RHOF: variants seen among roughly 807,000 people sequenced by gnomAD.
The protein encoded by RHOF is ras homolog family member F, filopodia associated.
RHOF carries 21 observed loss-of-function variants against 22.2 expected under a neutral mutation model. That is an observed-to-expected ratio of 0.95 (90% CI 0.67 to 1.36). The LOEUF (loss-of-function observed/expected upper bound fraction) is 1.36. Among genes scored for constraint, RHOF ranks in the 40% most tolerant of loss-of-function variants. The pLI, the probability that RHOF is intolerant of heterozygous loss-of-function variation, is 0.00. For synonymous variants in RHOF, 135 were observed against 131.2 expected, an observed-to-expected ratio of 1.03 and a Z score of -0.20; for missense variants, 285 against 293.7, an observed-to-expected ratio of 0.97 and a Z score of 0.22.
chr12:121,786,538 C>T (rs181098273), intron 2 of RHOF, among the ~76,000 whole-genome samples: 42 of 152,334 alleles, frequency 2.8e-4, no homozygotes, highest in Admixed American at 2.3e-3. Flanking sequence ...CCTGCCTTTC[C>T]TGGGGCCTCT....
chr12:121,785,519 T>A (rs1874585394), intron 2 of RHOF, among the ~76,000 whole-genome samples: 1 of 149,002 alleles, frequency 6.7e-6, no homozygotes, highest in African/African-American at 2.5e-5. Context: ...CTACGCCTCC[T>A]GGGTTCAAGT....
At chr12:121,780,305 G>A (rs1351184964) in intron 4 of RHOF, 2 of 158,288 alleles carry the variant, frequency 1.3e-5, no homozygotes, top group South Asian at 1.9e-4. Flanking sequence ...TGATTCGCCC[G>A]CCTCGGCCTC....
At chr12:121,784,540 G>A (rs971725655) in intron 2 of RHOF, among the ~76,000 whole-genome samples, 9 of 142,358 alleles carry the variant, frequency 6.3e-5, no homozygotes, top group East Asian at 2.0e-4. Context: ...GCAAGACGTC[G>A]TCTCAAAAAA....
chr12:121,780,206 C>T (rs766832706), intron 4 of RHOF: 145 of 155,598 alleles, frequency 9.3e-4, no homozygotes, highest in Non-Finnish European at 1.5e-3. Context: ...TACAGGCATG[C>T]GCCACCATGC....
chr12:121,785,294 T>A (rs1202093919), intron 2 of RHOF, among the ~76,000 whole-genome samples: 1 of 152,142 alleles, frequency 6.6e-6, no homozygotes, highest in Non-Finnish European at 1.5e-5. Flanking sequence ...AATTTATGAA[T>A]TATTTCTCGA....
intron 2 of RHOF, among the ~76,000 whole-genome samples, chr12:121,784,316 G>A (rs1874551182): frequency 6.6e-6 from 1 of 151,958 alleles, no homozygotes; most frequent in South Asian, 2.1e-4. Flanking sequence ...GGAGGCCGAG[G>A]CAGGGGGATC....
intron 2 of RHOF, chr12:121,781,637 G>A (rs998075204): frequency 5.5e-6 from 1 of 181,328 alleles, no homozygotes; most frequent in Non-Finnish European, 1.2e-5. Flanking sequence ...TGCCCTGATG[G>A]TCAAGGGCAG....
intron 2 of RHOF, 33 bp downstream of exon 2, chr12:121,793,119 C>A (rs1193275752): frequency 6.5e-7 from 1 of 1,538,216 alleles, no homozygotes. Context: ...GGCGGGCGGA[C>A]CCTCGGGCCC....
At chr12:121,790,905 G>C (rs1453299904) in intron 2 of RHOF, among the ~76,000 whole-genome samples, 1 of 152,104 alleles carries the variant, frequency 6.6e-6, no homozygotes, top group East Asian at 1.9e-4. Flanking sequence ...ACAGGGTCTC[G>C]CTCTGTTGCC....
At chr12:121,781,442 G>T (rs1053149450) in intron 2 of RHOF, 5 of 456,358 alleles carry the variant, frequency 1.1e-5, no homozygotes, top group Admixed American at 7.3e-5. Context: ...CTGCACTCCA[G>T]CCTGGGTGAC....
intron 2 of RHOF, among the ~76,000 whole-genome samples, chr12:121,787,004 C>T (rs142606989): frequency 6.6e-5 from 10 of 152,252 alleles, no homozygotes; most frequent in Admixed American, 6.5e-4. Flanking sequence ...TGCCATTTCA[C>T]TACAGCCTGA....
In RHOF at chr12:121,784,434, A is replaced by T. The variant is rs188206216; in HGVS notation, c.227-3242T>A. ...GTGGCAGGTGCCTGTAGTCCCAGCT[A>T]CTCCAGAGGCTGAGGCAGGAGAATT... On this transcript the variant is annotated intron_variant, in intron 2 of 4. Transcript: ENST00000267205. Among the ~76,000 whole-genome samples, 211 of 151,154 alleles carry T rather than the reference A, an allele frequency of 1.4e-3. 1 individual carries two copies. The highest frequency in any genetic ancestry group is 2.0e-3 in the Non-Finnish European group (138 of 67,884).
rs984449284 is a variant in RHOF, at chr12:121,781,112, G to A, written c.307C>T (p.Pro103Ser). The change falls in exon 3 of 5, where the codon CCC becomes TCC. Residue 103 changes from proline (P) to serine (S), a missense_variant. By Grantham distance (74) the Pro-to-Ser change is moderately conservative. Transcript: ENST00000267205. ...ATGAGGACGTTGTCGTAGCTGGTGGGATTCATGACGTCATAGCAGATGAGC... is the reference window on the plus strand; with the variant it reads ...ATGAGGACGTTGTCGTAGCTGGTGGAATTCATGACGTCATAGCAGATGAGC... ...LVLICYDVMN[P>S]TSYDNVLIKW... is the part of the protein sequence containing the mutation. The A allele has an allele frequency of 2.5e-6, 4 of 1,614,242 alleles. No individual in the cohort carries two copies. Among genetic ancestry groups the A allele is most frequent in the Non-Finnish European group, 3.4e-6 (4 of 1,180,036 alleles).
In RHOF at chr12:121,779,408, G is replaced by C; in HGVS notation, c.*90C>G. The C allele has an allele frequency of 7.2e-7, 1 of 1,388,112 alleles. No individual in the cohort carries two copies. The highest frequency in any genetic ancestry group is 1.2e-5 in the South Asian group (1 of 80,712). The allele number at this position is 1,388,112 out of a possible 1,614,324, so 86.0% of individuals were successfully genotyped here. ...CGCAGGCCCCAGACACCATGAGCTG[G>C]AGGGTCGGGATGGGGCAGCCTCCCT... On this transcript the variant is annotated 3_prime_UTR_variant, in exon 5 of 5. Coordinates refer to ENST00000267205, the MANE Select transcript of RHOF (RefSeq NM_019034.3).
chr12:121,780,702 G>A, intron 4 of RHOF, 170 bp downstream of exon 4: 1 of 740,072 alleles, frequency 1.4e-6, no homozygotes, highest in Non-Finnish European at 2.2e-6. Flanking sequence ...GAGTAGTCGT[G>A]TAAAGTGCTC....
In RHOF at chr12:121,781,576, TG is replaced by T. The variant is rs1874459681; in HGVS notation, c.227-385del. On this transcript the variant is annotated intron_variant, in intron 2 of 4. Transcript: ENST00000267205. ...TGAGAGCTTGGCCTGATTCTAGGGC[TG>T]GGGCTGGAGAAACTGCTAGAGATGA... 3 of 226,440 alleles carry T rather than the reference TG, an allele frequency of 1.3e-5. No individual in the cohort carries two copies. In the South Asian group the frequency reaches 1.8e-4, roughly 13 times the overall value. 14.0% of individuals were successfully genotyped at this position (226,440 alleles called of 1,614,324 possible). A position where few individuals can be genotyped will look rare whatever the true frequency, so the allele number is the denominator to read the frequency against.
chr12:121,783,274 G>T (rs1874520372), intron 2 of RHOF, among the ~76,000 whole-genome samples: 1 of 146,416 alleles, frequency 6.8e-6, no homozygotes, highest in Admixed American at 6.9e-5. Context: ...TCATATCCTG[G>T]CCCCCTCTCC....
rs1197025479 is a variant in RHOF, at chr12:121,778,525, C to T, written c.*973G>A. On this transcript the variant is annotated 3_prime_UTR_variant, in exon 5 of 5. Coordinates refer to ENST00000267205, the MANE Select transcript of RHOF (RefSeq NM_019034.3). ...CAAAGGAGGCTCAGGGATTAGGTATCTGGCTGTTGGTGACACAGGTGGTCT... is the reference window on the plus strand; with the variant it reads ...CAAAGGAGGCTCAGGGATTAGGTATTTGGCTGTTGGTGACACAGGTGGTCT... 1 of 151,776 alleles carries T rather than the reference C, an allele frequency of 6.6e-6. No homozygotes were observed. The highest frequency in any genetic ancestry group is 1.5e-5 in the Non-Finnish European group (1 of 68,046). The allele number at this position is 151,776 out of a possible 1,614,324, so 9.4% of individuals were successfully genotyped here. A position where few individuals can be genotyped will look rare whatever the true frequency, so the allele number is the denominator to read the frequency against.
chr12:121,779,828 T>C (rs1592954628), intron 4 of RHOF, 166 bp from the exon 5 acceptor site: 2 of 716,624 alleles, frequency 2.8e-6, no homozygotes, highest in Non-Finnish European at 4.5e-6. Context: ...GTGGGTGGAA[T>C]GGAGGGCCAG....
Sources: gnomAD v4.1 joint callset for allele counts (sites outside exome capture counted in the v4.1 genomes callset) on GRCh38, gnomAD v4.1.1 for gene constraint, MANE v1.5 for transcripts, NCBI Gene and HGNC (gene_info 2026-07-23, HGNC 2026-07-21) for gene names.